The following CHST3 variants were observed in gnomAD, a reference collection of about 807,000 sequenced individuals.
CHST3 encodes carbohydrate sulfotransferase 3.
A neutral mutation model predicts 35.4 loss-of-function variants in CHST3; 20 were observed. The ratio of observed to expected loss-of-function variants is 0.57; its 90% CI spans 0.40 to 0.82. The LOEUF (loss-of-function observed/expected upper bound fraction) is 0.82, where lower values mean the gene tolerates loss of function less well. Among genes scored for constraint, CHST3 ranks in the 40% least tolerant of loss-of-function variants. CHST3 has a pLI of 0.00. For synonymous variants in CHST3, 334 were observed against 295.9 expected (o/e 1.13, Z -1.32); for missense variants, 693 against 670.1 (o/e 1.03, Z -0.38).
Position 71,986,728 on chromosome 10 carries a change from A to G in CHST3, c.-107-19008A>G, listed in dbSNP as rs10399980. On this transcript the variant is annotated intron_variant, in intron 1 of 2. Coordinates refer to ENST00000373115, the MANE Select transcript of CHST3 (RefSeq NM_004273.5). ...GCAGAGATCGCCTGGGGCTGGTTCTATAAGATAAACCCGAAGTGGATCAGC... is the reference window on the plus strand; with the variant it reads ...GCAGAGATCGCCTGGGGCTGGTTCTGTAAGATAAACCCGAAGTGGATCAGC... Among the ~76,000 whole-genome samples, 853 of 152,208 alleles carry G rather than the reference A, an allele frequency of 5.6e-3. 9 individuals carry two copies. The highest frequency in any genetic ancestry group is 0.019 in the African/African-American group (772 of 41,522).
intron 1 of CHST3, among the ~76,000 whole-genome samples, chr10:71,968,108 G>T (rs1034968557): frequency 1.3e-5 from 2 of 151,990 alleles, no homozygotes; most frequent in African/African-American, 4.8e-5. Context: ...GAGCCGCCTC[G>T]CTTGGCCAGC....
chr10:71,974,468 A>G (rs1232314519), intron 1 of CHST3, among the ~76,000 whole-genome samples: 4 of 152,194 alleles, frequency 2.6e-5, no homozygotes. Context: ...GAGACATGGC[A>G]GGGGCATCAC....
chr10:72,005,125 A>C (rs1343306559), intron 1 of CHST3, among the ~76,000 whole-genome samples: 1 of 152,216 alleles, frequency 6.6e-6, no homozygotes, highest in Non-Finnish European at 1.5e-5. Context: ...ACCCTGTCTC[A>C]AAAACAAACA....
chr10:71,964,819 A>C (rs1010488633), intron 1 of CHST3, 125 bp downstream of exon 1: 3 of 152,328 alleles, frequency 2.0e-5, no homozygotes, highest in Non-Finnish European at 4.4e-5. Flanking sequence ...GGCGAAGCGG[A>C]CGGTGGGAGG....
Position 72,007,218 on chromosome 10 carries a change from A to G in CHST3, c.187A>G (p.Asn63Asp), listed in dbSNP as rs1264377356. 4 of 1,614,184 alleles carry G rather than the reference A, an allele frequency of 2.5e-6. No individual in the cohort carries two copies. The highest frequency in any genetic ancestry group is 3.4e-6 in the Non-Finnish European group (4 of 1,180,038). Residue 63 changes from asparagine (N) to aspartate (D), a missense_variant, in exon 3 of 3, where the codon AAC (asparagine) becomes GAC (aspartate). Asn to Asp is a conservative substitution (Grantham distance 23). Transcript: ENST00000373115. ...KQIPQALADA[N>D]STDPALILAE... is the part of the protein sequence containing the mutation. ...GATTCCCCAAGCTCTAGCAGATGCC[A>G]ACAGCACCGACCCAGCCCTGATCTT...
At chr10:71,976,687 G>A (rs894335948) in intron 1 of CHST3, among the ~76,000 whole-genome samples, 1 of 152,174 alleles carries the variant, frequency 6.6e-6, no homozygotes, top group Non-Finnish European at 1.5e-5. Flanking sequence ...GACTGGAGGG[G>A]CCATTTTTCT....
In CHST3 at chr10:72,007,359, G is replaced by A. The variant is rs1163022228; in HGVS notation, c.328G>A (p.Ala110Thr). ...GGGCGTGGAGCCAGCCATGGAGGCC[G>A]CAGGGGAGGAAGAGGAAGAGCAGAG... The part of the protein sequence containing the change: ...QLGVEPAMEA[A>T]GEEEEEQRKE... The change falls in exon 3 of 3, where the codon GCA (alanine) becomes ACA (threonine). Residue 110 changes from alanine to threonine, a missense_variant. Coordinates refer to ENST00000373115, the MANE Select transcript of CHST3 (RefSeq NM_004273.5). 1.9e-5 allele frequency: 30 copies of A among 1,606,462 alleles called. No homozygotes were observed. Among genetic ancestry groups the A allele is most frequent in the Non-Finnish European group, 2.4e-5 (28 of 1,176,768 alleles).
intron 1 of CHST3, among the ~76,000 whole-genome samples, chr10:71,971,290 A>T (rs1475670067): frequency 6.6e-6 from 1 of 152,044 alleles, no homozygotes; most frequent in African/African-American, 2.4e-5. Flanking sequence ...AGGCTTCTGG[A>T]GAGGGTGGTT....
intron 1 of CHST3, among the ~76,000 whole-genome samples, chr10:72,004,781 A>G (rs933459411): frequency 2.0e-5 from 3 of 152,000 alleles, no homozygotes; most frequent in African/African-American, 7.2e-5. Context: ...GTCACCCCCC[A>G]CCTTCCCACC....
intron 1 of CHST3, among the ~76,000 whole-genome samples, chr10:72,004,258 T>C (rs767203139): frequency 6.6e-6 from 1 of 152,164 alleles, no homozygotes; most frequent in Non-Finnish European, 1.5e-5. Flanking sequence ...GTGTATCTCT[T>C]GCCTGGCCCA....
chr10:71,987,419 A>G (rs1385917624), intron 1 of CHST3, among the ~76,000 whole-genome samples: 1 of 152,112 alleles, frequency 6.6e-6, no homozygotes, highest in Non-Finnish European at 1.5e-5. Flanking sequence ...TTGCCACTGT[A>G]TAGAAACAGA....
chr10:72,008,624 C>G lies in CHST3; in HGVS notation c.*153C>G. Reference sequence around the variant, plus strand: ...CCAGCGCTCCAGCCAAAGCGGCGGCCCCAGGGTTAATTGCGGAGAACAGGA... The same window carrying G: ...CCAGCGCTCCAGCCAAAGCGGCGGCGCCAGGGTTAATTGCGGAGAACAGGA... On this transcript the variant is annotated 3_prime_UTR_variant, in exon 3 of 3. Transcript: ENST00000373115. The G allele has an allele frequency of 7.1e-7, 1 of 1,409,242 alleles. No individual in the cohort carries two copies. Among genetic ancestry groups the G allele is most frequent in the African/African-American group, 1.4e-5 (1 of 69,152 alleles). The allele number at this position is 1,409,242 out of a possible 1,614,324, so 87.3% of individuals were successfully genotyped here. A position where few individuals can be genotyped will look rare whatever the true frequency, so the allele number is the denominator to read the frequency against.
intron 1 of CHST3, among the ~76,000 whole-genome samples, chr10:71,975,315 A>G (rs1294575793): frequency 6.6e-6 from 1 of 152,226 alleles, no homozygotes; most frequent in Non-Finnish European, 1.5e-5. Context: ...GTCCAAGGCC[A>G]CACAGCCAGG....
rs564789308 is a variant in CHST3 at position 71,975,554 on chromosome 10, G to C, written c.-108+10860G>C. ...TTTAGGAGAACATCCAGCTTCACTG[G>C]CTGTGCAAATCCCACCCATGCGGCT... On this transcript the variant is annotated intron_variant, in intron 1 of 2. Coordinates refer to ENST00000373115, the MANE Select transcript of CHST3 (RefSeq NM_004273.5). Among the ~76,000 whole-genome samples the C allele has an allele frequency of 2.1e-3, 323 of 152,386 alleles. 1 individual carries two copies. The highest frequency in any genetic ancestry group is 7.5e-3 in the African/African-American group (312 of 41,600).
At chr10:71,992,958 A>G (rs936583741) in intron 1 of CHST3, among the ~76,000 whole-genome samples, 1 of 152,064 alleles carries the variant, frequency 6.6e-6, no homozygotes, top group Non-Finnish European at 1.5e-5. Flanking sequence ...CACCACTCCC[A>G]GACAATTTAT....
chr10:71,971,634 CA>C (rs1239098905), intron 1 of CHST3, among the ~76,000 whole-genome samples: 1 of 152,214 alleles, frequency 6.6e-6, no homozygotes, highest in East Asian at 1.9e-4. Flanking sequence ...GTGTCTGAGC[CA>C]AACAGTGCTA....
At chr10:72,004,125 G>A (rs1342958605) in intron 1 of CHST3, among the ~76,000 whole-genome samples, 1 of 151,764 alleles carries the variant, frequency 6.6e-6, no homozygotes, top group Non-Finnish European at 1.5e-5. Context: ...CCAAGATTAC[G>A]CCATTGCACT....
intron 1 of CHST3, among the ~76,000 whole-genome samples, chr10:71,988,428 C>T (rs990884220): frequency 3.8e-4 from 58 of 152,172 alleles, no homozygotes; most frequent in African/African-American, 1.1e-3. Context: ...GGGTGGATCC[C>T]TCATGGCTTG....
rs577316113 is a variant in CHST3, at chr10:72,012,974, T to G, written c.*4503T>G. On this transcript the variant is annotated 3_prime_UTR_variant, in exon 3 of 3. Transcript: ENST00000373115. ...CCCGTAACTGGACTGGGGACAAATT[T>G]GTTACGTGTTTCCAAGGCTACAGAC... 1.3e-5 allele frequency: 2 copies of G among 152,240 alleles called. No individual in the cohort carries two copies. The highest frequency in any genetic ancestry group is 2.4e-5 in the African/African-American group (1 of 41,450). 9.4% of individuals were successfully genotyped at this position (152,240 alleles called of 1,614,324 possible).
Sources: allele counts gnomAD v4.1 joint callset (sites outside exome capture counted in the v4.1 genomes callset), GRCh38; gene constraint gnomAD v4.1.1; transcripts MANE v1.5; gene names NCBI Gene and HGNC (gene_info 2026-07-23, HGNC 2026-07-21).